Variants in CYB5B observed in about 807,000 individuals in gnomAD.
The protein encoded by CYB5B is cytochrome b5 type B (outer mitochondrial membrane).
In CYB5B, 14 loss-of-function variants were observed where a neutral mutation model predicts 21.3. That is an observed-to-expected ratio of 0.66 (90% CI 0.43 to 1.03). The LOEUF (loss-of-function observed/expected upper bound fraction) is 1.03, where lower values mean the gene tolerates loss of function less well. Among genes scored for constraint, CYB5B ranks in the 50% least tolerant of loss-of-function variants. CYB5B has a pLI of 0.00. For missense variants in CYB5B, 166 were observed against 185.1 expected, an observed-to-expected ratio of 0.90 and a Z score of 0.60; for synonymous variants, 69 against 68.4, an observed-to-expected ratio of 1.01 and a Z score of -0.04.
rs199524537 is a variant in CYB5B at position 69,459,086 on chromosome 16, A to G, written c.334-7A>G. On this transcript the variant is annotated splice_region_variant and splice_polypyrimidine_tract_variant and intron_variant, in intron 3 of 4. Coordinates refer to ENST00000307892, the MANE Select transcript of CYB5B (RefSeq NM_030579.3). ...TATTTTTGAATTTTTTTTTTTTTTTATTTCAGGACCCTTCAAAAAATGATA... is the reference window on the plus strand; with the variant it reads ...TATTTTTGAATTTTTTTTTTTTTTTGTTTCAGGACCCTTCAAAAAATGATA... The G allele has an allele frequency of 7.3e-7, 1 of 1,365,084 alleles. No homozygotes were observed. Among genetic ancestry groups the G allele is most frequent in the Admixed American group, 2.8e-5 (1 of 36,234 alleles). The allele number at this position is 1,365,084 out of a possible 1,614,324, so 84.6% of individuals were successfully genotyped here. A position where few individuals can be genotyped will look rare whatever the true frequency, so the allele number is the denominator to read the frequency against.
intron 4 of CYB5B, among the ~76,000 whole-genome samples, chr16:69,461,096 A>G (rs781199114): frequency 1.3e-5 from 2 of 151,994 alleles, no homozygotes; most frequent in Non-Finnish European, 2.9e-5. Context: ...GTGGATCACG[A>G]GGACGGGCTG....
chr16:69,439,076 TG>T (rs2014793098), intron 1 of CYB5B, among the ~76,000 whole-genome samples: 1 of 152,234 alleles, frequency 6.6e-6, no homozygotes, highest in South Asian at 2.1e-4. Context: ...AAGAGTTTTA[TG>T]ATTTTAGCTT....
In CYB5B at chr16:69,443,612, T is replaced by C. The variant is rs1406102905; in HGVS notation, c.175-3538T>C. The C allele has an allele frequency of 2.0e-5, 3 of 152,536 alleles. No homozygotes were observed. In the East Asian group the frequency reaches 5.8e-4, roughly 29 times the overall value. The allele number at this position is 152,536 out of a possible 1,614,324, so 9.4% of individuals were successfully genotyped here. ...GCTCATGCCTGTAATCCCAGCACTT[T>C]AGGAGGCCGAGGCGGGTGAATCACC... On this transcript the variant is annotated intron_variant, in intron 1 of 4. Transcript: ENST00000307892.
intron 1 of CYB5B, 67 bp from the exon 2 acceptor site, chr16:69,447,083 T>C: frequency 6.4e-7 from 1 of 1,566,108 alleles, no homozygotes; most frequent in Non-Finnish European, 8.7e-7. Flanking sequence ...GAAGGGGGTA[T>C]GGGAAAGTAA....
intron 1 of CYB5B, among the ~76,000 whole-genome samples, chr16:69,440,328 A>G (rs1032387661): frequency 1.3e-5 from 2 of 152,188 alleles, no homozygotes; most frequent in African/African-American, 4.8e-5. Flanking sequence ...AGTGCCTGGC[A>G]ATCACATTCT....
chr16:69,459,070 ATTTT>A lies in CYB5B; in HGVS notation c.334-11_334-8del. 1 of 1,368,376 alleles carries A rather than the reference ATTTT, an allele frequency of 7.3e-7. No individual in the cohort carries two copies. 84.8% of individuals were successfully genotyped at this position (1,368,376 alleles called of 1,614,324 possible). On this transcript the variant is annotated intron_variant, in intron 3 of 4. Transcript: ENST00000307892. ...CTTTCTTTTTGTTTGTTATTTTTGA[ATTTT>A]TTTTTTTTTTTATTTCAGGACCCTT... is the stretch of plus-strand genomic sequence containing the variant.
chr16:69,454,886 T>G (rs545769800), intron 3 of CYB5B, among the ~76,000 whole-genome samples: 5 of 151,868 alleles, frequency 3.3e-5, no homozygotes, highest in East Asian at 1.9e-4. Context: ...TTTTTTGGGG[T>G]TTTTGTTTTG....
chr16:69,458,225 A>G (rs2142827568), intron 3 of CYB5B, among the ~76,000 whole-genome samples: 1 of 152,292 alleles, frequency 6.6e-6, no homozygotes, highest in East Asian at 1.9e-4. Flanking sequence ...AGAACTGTGC[A>G]GTCTATTTTA....
rs2015060687 is a variant in CYB5B, at chr16:69,463,898, A to AT, written c.*1384dup. On this transcript the variant is annotated 3_prime_UTR_variant, in exon 5 of 5. Coordinates refer to ENST00000307892, the MANE Select transcript of CYB5B (RefSeq NM_030579.3). ...GATTTCTCTGGCATATTAGACTTTT[A>AT]TTTTTTCCCCCATGGAAGCACTTGA... 1 of 151,926 alleles carries AT rather than the reference A, an allele frequency of 6.6e-6. No homozygotes were observed. Among genetic ancestry groups the AT allele is most frequent in the African/African-American group, 2.4e-5 (1 of 41,354 alleles). 9.4% of individuals were successfully genotyped at this position (151,926 alleles called of 1,614,324 possible).
At chr16:69,437,409 G>C (rs1343571946) in intron 1 of CYB5B, among the ~76,000 whole-genome samples, 5 of 152,070 alleles carry the variant, frequency 3.3e-5, no homozygotes, top group Non-Finnish European at 7.4e-5. Context: ...GTCTTACTAG[G>C]TTTACTTAAT....
chr16:69,431,523 G>A (rs890893913), intron 1 of CYB5B, among the ~76,000 whole-genome samples: 1 of 151,988 alleles, frequency 6.6e-6, no homozygotes, highest in Non-Finnish European at 1.5e-5. Context: ...TGTAATCCCA[G>A]CACTTTGGGA....
chr16:69,459,262 G>T, intron 4 of CYB5B, 141 bp downstream of exon 4: 1 of 1,088,172 alleles, frequency 9.2e-7, no homozygotes, highest in Non-Finnish European at 1.3e-6. Flanking sequence ...TGCAAATTCA[G>T]TTGTTCCTTG....
chr16:69,436,135 G>A (rs2014757722), intron 1 of CYB5B, among the ~76,000 whole-genome samples: 1 of 152,130 alleles, frequency 6.6e-6, no homozygotes, highest in Admixed American at 6.5e-5. Flanking sequence ...ATGTGTGTTC[G>A]CGCTTGTGAG....
In CYB5B at chr16:69,464,991, A is replaced by C. The variant is rs16958887; in HGVS notation, c.*2471A>C. ...TGTGAGAGTTTGCAGAGGTTTTTCT[A>C]TACAATAAAGTAGTATAGCACACTA... On this transcript the variant is annotated 3_prime_UTR_variant, in exon 5 of 5. Transcript: ENST00000307892. 6.6e-6 allele frequency: 1 copy of C among 152,504 alleles called. No individual in the cohort carries two copies. Among genetic ancestry groups the C allele is most frequent in the Non-Finnish European group, 1.5e-5 (1 of 68,044 alleles). 9.4% of individuals were successfully genotyped at this position (152,504 alleles called of 1,614,324 possible). A position where few individuals can be genotyped will look rare whatever the true frequency, so the allele number is the denominator to read the frequency against.
intron 1 of CYB5B, among the ~76,000 whole-genome samples, chr16:69,445,147 G>A (rs1414174753): frequency 6.6e-6 from 1 of 152,224 alleles, no homozygotes; most frequent in Non-Finnish European, 1.5e-5. Context: ...ATCATCCATA[G>A]TTTAGGTGTA....
At chr16:69,429,797 G>A in intron 1 of CYB5B, among the ~76,000 whole-genome samples, 1 of 152,162 alleles carries the variant, frequency 6.6e-6, no homozygotes, top group East Asian at 1.9e-4. Context: ...TTAGATGAGA[G>A]AGGGAAGATT....
At position 69,464,056 on chromosome 16, in the gene CYB5B, A is replaced by G. The variant is rs952922316; in HGVS notation, c.*1536A>G. On this transcript the variant is annotated 3_prime_UTR_variant, in exon 5 of 5. Coordinates refer to ENST00000307892, the MANE Select transcript of CYB5B (RefSeq NM_030579.3). Reference sequence around the variant, plus strand: ...GGAGCAGCTTGGTTCAAGAAGGACCATAGAGGCTGCTCAGCATCTCCTCCC... The same window carrying G: ...GGAGCAGCTTGGTTCAAGAAGGACCGTAGAGGCTGCTCAGCATCTCCTCCC... 2 of 152,218 alleles carry G rather than the reference A, an allele frequency of 1.3e-5. No homozygotes were observed. Among genetic ancestry groups the G allele is most frequent in the African/African-American group, 2.4e-5 (1 of 41,458 alleles). The allele number at this position is 152,218 out of a possible 1,614,324, so 9.4% of individuals were successfully genotyped here.
Position 69,424,839 on chromosome 16 carries a change from C to A in CYB5B, c.156C>A (p.Val52=). 1 of 1,585,352 alleles carries A rather than the reference C, an allele frequency of 6.3e-7. No individual in the cohort carries two copies. The highest frequency in any genetic ancestry group is 1.1e-5 in the South Asian group (1 of 87,506). ...WLVIHGRVYD[V]TRFLNEHPGG... The stretch of plus-strand genomic sequence containing the variant: ...TGATCCATGGGCGAGTCTACGATGT[C>A]ACCCGCTTCCTCAACGAGGTGGGGC... The change falls in exon 1 of 5, where the codon GTC becomes GTA. Residue 52 remains valine, a synonymous_variant. Coordinates refer to ENST00000307892, the MANE Select transcript of CYB5B (RefSeq NM_030579.3).
At position 69,463,678 on chromosome 16, in the gene CYB5B, A is replaced by G. The variant is rs1224345806; in HGVS notation, c.*1158A>G. On this transcript the variant is annotated 3_prime_UTR_variant, in exon 5 of 5. Coordinates refer to ENST00000307892, the MANE Select transcript of CYB5B (RefSeq NM_030579.3). ...CGCAGTAAAGTAACTTCCATATAAA[A>G]TGGTATTTGAAAGTGAGAGTTCATG... The G allele has an allele frequency of 1.3e-5, 2 of 152,202 alleles. No individual in the cohort carries two copies. Among genetic ancestry groups the G allele is most frequent in the African/African-American group, 4.8e-5 (2 of 41,452 alleles). The allele number at this position is 152,202 out of a possible 1,614,324, so 9.4% of individuals were successfully genotyped here. A position where few individuals can be genotyped will look rare whatever the true frequency, so the allele number is the denominator to read the frequency against.
Sources: allele counts gnomAD v4.1 joint callset (sites outside exome capture counted in the v4.1 genomes callset), GRCh38; gene constraint gnomAD v4.1.1; transcripts MANE v1.5; gene names NCBI Gene and HGNC (gene_info 2026-07-23, HGNC 2026-07-21).